CA10: variants seen among roughly 807,000 people sequenced by gnomAD.
CA10 encodes the protein carbonic anhydrase-related protein 10.
Under a neutral mutation model 44.2 loss-of-function variants are expected in CA10, and 14 were observed. The ratio of observed to expected loss-of-function variants is 0.32; its 90% CI spans 0.21 to 0.50. The LOEUF (loss-of-function observed/expected upper bound fraction) is 0.50, where lower values mean the gene tolerates loss of function less well. CA10 is among the 20% of genes least tolerant of loss of function. CA10 has a pLI of 0.99. For synonymous variants in CA10, 159 were observed against 141.6 expected (o/e 1.12, Z -0.87); for missense variants, 350 against 409.7 (o/e 0.85, Z 1.26).
At chr17:51,811,295 A>AT (rs71149380) in intron 3 of CA10, among the ~76,000 whole-genome samples, 30,526 of 152,062 alleles carry the variant, frequency 0.2, 3,834 homozygotes, top group Non-Finnish European at 0.26. Context: ...TGAGTGGCTG[A>AT]TTTTTTTATT....
At chr17:51,909,673 T>C (rs1344096644) in intron 3 of CA10, among the ~76,000 whole-genome samples, 1 of 152,174 alleles carries the variant, frequency 6.6e-6, no homozygotes, top group African/African-American at 2.4e-5. Context: ...TTTTATTTAA[T>C]AGTCAACTGG....
chr17:52,009,950 G>A (rs1208426806), intron 2 of CA10, among the ~76,000 whole-genome samples: 1 of 151,916 alleles, frequency 6.6e-6, no homozygotes, highest in Non-Finnish European at 1.5e-5. Context: ...GACATGAATA[G>A]ACTATTCTCA....
intron 2 of CA10, among the ~76,000 whole-genome samples, chr17:52,069,865 G>C (rs184412471): frequency 8.4e-4 from 128 of 152,214 alleles, no homozygotes; most frequent in African/African-American, 2.8e-3. Flanking sequence ...GAACTTATGG[G>C]ACGATAAAAC....
At chr17:51,796,822 C>T (rs1014613618) in intron 3 of CA10, among the ~76,000 whole-genome samples, 21 of 152,144 alleles carry the variant, frequency 1.4e-4, no homozygotes, top group African/African-American at 4.8e-4. Context: ...TCACACAGAC[C>T]ACCCACAAGG....
In CA10 at chr17:51,746,410, A is replaced by C. The variant is rs138592752; in HGVS notation, c.465+1223T>G. 1.4e-3 allele frequency among the ~76,000 whole-genome samples: 216 copies of C among 152,362 alleles called. 1 individual carries two copies. Among genetic ancestry groups the C allele is most frequent in the African/African-American group, 5.1e-3 (214 of 41,590 alleles). ...ATCACACAGTGTGTATCAAAGCAAG[A>C]CTACAAAACTCAGGTCACTGGACTC... On this transcript the variant is annotated intron_variant, in intron 4 of 8. Coordinates refer to ENST00000451037, the MANE Select transcript of CA10 (RefSeq NM_020178.5).
At chr17:51,785,548 G>T (rs1206598376) in intron 3 of CA10, among the ~76,000 whole-genome samples, 2 of 152,128 alleles carry the variant, frequency 1.3e-5, no homozygotes, top group East Asian at 3.9e-4. Context: ...AGAGAAAAGG[G>T]AACCCTGGTA....
intron 3 of CA10, among the ~76,000 whole-genome samples, chr17:51,817,067 A>G (rs992010838): frequency 6.6e-6 from 1 of 152,206 alleles, no homozygotes; most frequent in Admixed American, 6.5e-5. Context: ...AAACCCTTTA[A>G]TTGTTCTGAG....
chr17:52,064,681 CCA>C (rs985205551), intron 2 of CA10, among the ~76,000 whole-genome samples: 3 of 151,920 alleles, frequency 2.0e-5, no homozygotes, highest in Admixed American at 1.3e-4. Flanking sequence ...TTAAAACTAC[CCA>C]AAAAGAAAAG....
intron 2 of CA10, among the ~76,000 whole-genome samples, chr17:51,973,199 C>T (rs1272109692): frequency 1.3e-5 from 2 of 152,170 alleles, no homozygotes; most frequent in Non-Finnish European, 2.9e-5. Context: ...AGGCTGTGAT[C>T]TGTGAAAGAA....
At chr17:51,759,956 A>T (rs1425161620) in intron 3 of CA10, among the ~76,000 whole-genome samples, 1 of 152,224 alleles carries the variant, frequency 6.6e-6, no homozygotes, top group Admixed American at 6.5e-5. Context: ...ACGAAAATTC[A>T]AGGTTAGGCT....
At chr17:51,980,339 G>T (rs1984611698) in intron 2 of CA10, among the ~76,000 whole-genome samples, 1 of 152,050 alleles carries the variant, frequency 6.6e-6, no homozygotes, top group South Asian at 2.1e-4. Flanking sequence ...CTTTTGAAAA[G>T]TGTCCCTTCA....
At chr17:51,632,768 C>A (rs1912641167) in intron 8 of CA10, among the ~76,000 whole-genome samples, 1 of 152,192 alleles carries the variant, frequency 6.6e-6, no homozygotes, top group African/African-American at 2.4e-5. Context: ...TCTTTCCACA[C>A]TGAGTGTTTA....
intron 6 of CA10, among the ~76,000 whole-genome samples, chr17:51,636,461 G>A (rs1912830631): frequency 6.6e-6 from 1 of 152,182 alleles, no homozygotes; most frequent in South Asian, 2.1e-4. Flanking sequence ...GAAGTCACAT[G>A]GTTAAGGCTG....
intron 1 of CA10, among the ~76,000 whole-genome samples, chr17:52,075,805 T>C (rs1474028926): frequency 6.6e-6 from 1 of 152,266 alleles, no homozygotes; most frequent in South Asian, 2.1e-4. Flanking sequence ...AAATGAAACA[T>C]TATGTTGAAC....
At chr17:51,728,272 A>G (rs1048591679) in intron 4 of CA10, among the ~76,000 whole-genome samples, 3 of 152,020 alleles carry the variant, frequency 2.0e-5, no homozygotes, top group Non-Finnish European at 4.4e-5. Context: ...ACTTTCATCC[A>G]TCTTCCCTTA....
Position 52,023,635 on chromosome 17 carries a change from T to C in CA10, c.136+48684A>G, listed in dbSNP as rs111888993. Among the ~76,000 whole-genome samples the C allele has an allele frequency of 4.8e-3, 726 of 151,604 alleles. 2 individuals carry two copies. The highest frequency in any genetic ancestry group is 0.017 in the African/African-American group (685 of 41,330). On this transcript the variant is annotated intron_variant, in intron 2 of 8. Coordinates refer to ENST00000451037, the MANE Select transcript of CA10 (RefSeq NM_020178.5). ...ATTTACAAATGGGATGTGATTCAAC[T>C]AATGAGTTTCTGCACAGCAAAAGAA...
intron 4 of CA10, among the ~76,000 whole-genome samples, chr17:51,680,695 T>C (rs999341043): frequency 6.6e-6 from 1 of 152,124 alleles, no homozygotes; most frequent in East Asian, 1.9e-4. Flanking sequence ...CAGAAGACTA[T>C]AGTTCTGGGC....
intron 3 of CA10, among the ~76,000 whole-genome samples, chr17:51,846,258 TC>T (rs1978488079): frequency 6.6e-6 from 1 of 152,232 alleles, no homozygotes; most frequent in Admixed American, 6.5e-5. Context: ...GACAACTGCA[TC>T]CATCCAATGT....
At chr17:51,690,999 T>A (rs192609674) in intron 4 of CA10, among the ~76,000 whole-genome samples, 250 of 152,320 alleles carry the variant, frequency 1.6e-3, no homozygotes, top group Non-Finnish European at 2.4e-3. Flanking sequence ...TTAGGTTAAT[T>A]TCATATCTTA....
Sources: gnomAD v4.1 joint callset for allele counts (sites outside exome capture counted in the v4.1 genomes callset) on GRCh38, gnomAD v4.1.1 for gene constraint, MANE v1.5 for transcripts, NCBI Gene and HGNC (gene_info 2026-07-23, HGNC 2026-07-21) for gene names.